The following PRKN variants were observed in gnomAD, a reference collection of about 807,000 sequenced individuals.
PRKN encodes parkin RBR E3 ubiquitin protein ligase, also known as E3 ubiquitin-protein ligase parkin.
PRKN carries 56 observed loss-of-function variants against 59.5 expected under a neutral mutation model. The ratio of observed to expected loss-of-function variants is 0.94; its 90% confidence interval spans 0.76 to 1.18. The LOEUF is 1.18. PRKN is among the 50% of genes most tolerant of loss of function. The pLI is 0.00. For synonymous variants in PRKN, 250 were observed against 222.1 expected (o/e 1.13, Z -1.12); for missense variants, 657 against 596.4 (o/e 1.10, Z -1.06).
intron 4 of PRKN, among the ~76,000 whole-genome samples, chr6:162,185,176 T>C (rs970951708): frequency 2.0e-5 from 3 of 152,160 alleles, no homozygotes; most frequent in African/African-American, 7.2e-5. Context: ...TTTTCCAATG[T>C]TATGGATATT....
intron 7 of PRKN, among the ~76,000 whole-genome samples, chr6:161,642,486 T>C (rs1277758950): frequency 1.3e-5 from 2 of 152,172 alleles, no homozygotes; most frequent in Admixed American, 6.5e-5. Context: ...TTCTGATGTA[T>C]ACAAGAACAC....
At chr6:161,439,166 G>A (rs753342857) in intron 9 of PRKN, among the ~76,000 whole-genome samples, 1 of 152,194 alleles carries the variant, frequency 6.6e-6, no homozygotes, top group African/African-American at 2.4e-5. Flanking sequence ...AAGGTCCTGC[G>A]ATGCCGCAGC....
At chr6:161,735,219 G>C (rs1438254458) in intron 7 of PRKN, among the ~76,000 whole-genome samples, 2 of 151,846 alleles carry the variant, frequency 1.3e-5, no homozygotes, top group Middle Eastern at 3.2e-3. Flanking sequence ...GTACACACAA[G>C]TCCCCCTCAT....
rs191698590 is a variant in PRKN at position 161,399,034 on chromosome 6, C to T, written c.1084-12157G>A. Among the ~76,000 whole-genome samples, 1 of 152,120 alleles carries T rather than the reference C, an allele frequency of 6.6e-6. No homozygotes were observed. Among genetic ancestry groups the T allele is most frequent in the Non-Finnish European group, 1.5e-5 (1 of 68,030 alleles). ...CCCTATATAAACTCCAAACCCCAGG[C>T]TCCATGAGCAGAAGAGCAGCAGAGG... On this transcript the variant is annotated intron_variant, in intron 9 of 11. Coordinates refer to ENST00000366898, the MANE Select transcript of PRKN (RefSeq NM_004562.3). The surrounding 1 kb of genome is among the most constrained non-coding windows in gnomAD (Gnocchi z 4.4).
chr6:162,154,741 T>G (rs944922648), intron 4 of PRKN, among the ~76,000 whole-genome samples: 4 of 152,028 alleles, frequency 2.6e-5, no homozygotes, highest in Non-Finnish European at 5.9e-5. Context: ...GAGCATCAGG[T>G]AGTAAAAATA....
At chr6:161,350,444 T>C (rs926575956) in intron 11 of PRKN, among the ~76,000 whole-genome samples, 2 of 151,296 alleles carry the variant, frequency 1.3e-5, no homozygotes, top group Non-Finnish European at 2.9e-5. Context: ...GTCACTTTTG[T>C]CGGGAACAAA....
At chr6:162,229,409 C>T (rs1055885858) in intron 3 of PRKN, among the ~76,000 whole-genome samples, 1 of 152,178 alleles carries the variant, frequency 6.6e-6, no homozygotes, top group Non-Finnish European at 1.5e-5. Flanking sequence ...ATGACACAAG[C>T]GTCACCCACG....
chr6:161,936,786 A>T (rs1779373991), intron 6 of PRKN, among the ~76,000 whole-genome samples: 1 of 127,084 alleles, frequency 7.9e-6, no homozygotes, highest in African/African-American at 3.4e-5. Flanking sequence ...TTTTTGTTTC[A>T]TATTTTTTTT....
Position 161,538,253 on chromosome 6 carries a change from A to C in PRKN, c.1083+10601T>G, listed in dbSNP as rs1779497210. ...TGTACACTTCTTCTGATCCTGGTTC[A>C]AGAATGGGCAAACAGACAGGCAAGG... On this transcript the variant is annotated intron_variant, in intron 9 of 11. Transcript: ENST00000366898. The surrounding 1 kb of genome is among the most constrained non-coding windows in gnomAD (Gnocchi z 4.2). Among the ~76,000 whole-genome samples the C allele has an allele frequency of 6.6e-6, 1 of 152,186 alleles. No individual in the cohort carries two copies. The highest frequency in any genetic ancestry group is 2.1e-4 in the South Asian group (1 of 4,826).
intron 1 of PRKN, among the ~76,000 whole-genome samples, chr6:162,644,824 T>C (rs950488601): frequency 1.3e-5 from 2 of 152,196 alleles, no homozygotes; most frequent in Admixed American, 6.5e-5. Context: ...ATAGATTTGG[T>C]TGAAGTCCCT....
rs200434101 is a variant in PRKN at position 162,011,517 on chromosome 6, T to TTATA, written c.619-38104_619-38101dup. ...ATAATATATATTTATTATATATATA[T>TTATA]TATATATATATATAAAACTTTCCAG... On this transcript the variant is annotated intron_variant, in intron 5 of 11. Coordinates refer to ENST00000366898, the MANE Select transcript of PRKN (RefSeq NM_004562.3). Among the ~76,000 whole-genome samples the TTATA allele has an allele frequency of 2.3e-4, 22 of 94,962 alleles. 3 individuals carry two copies. The highest frequency in any genetic ancestry group is 1.2e-3 in the South Asian group (4 of 3,250). The allele number at this position is 94,962 out of a possible 152,430, so 62.3% of individuals were successfully genotyped here. A position where few individuals can be genotyped will look rare whatever the true frequency, so the allele number is the denominator to read the frequency against.
At chr6:162,371,497 C>G (rs1371868034) in intron 2 of PRKN, among the ~76,000 whole-genome samples, 1 of 152,090 alleles carries the variant, frequency 6.6e-6, no homozygotes, top group Admixed American at 6.6e-5. Flanking sequence ...CTGGGGTGAC[C>G]CTAAATACAA....
chr6:161,460,274 G>A lies in PRKN; in HGVS notation c.1084-73397C>T, dbSNP rs1358615009. ...TTTAATTCTTGTTGATGGGCACCGT[G>A]TGTTTACAGAGGAGAGTGCCTTTGA... is the stretch of plus-strand genomic sequence containing the variant. On this transcript the variant is annotated intron_variant, in intron 9 of 11. Coordinates refer to ENST00000366898, the MANE Select transcript of PRKN (RefSeq NM_004562.3). The surrounding 1 kb of genome is among the most constrained non-coding windows in gnomAD (Gnocchi z 5.0). Among the ~76,000 whole-genome samples, 2 of 152,198 alleles carry A rather than the reference G, an allele frequency of 1.3e-5. No individual in the cohort carries two copies. Among genetic ancestry groups the A allele is most frequent in the Non-Finnish European group, 2.9e-5 (2 of 68,036 alleles).
At chr6:161,511,813 T>G (rs533397130) in intron 9 of PRKN, among the ~76,000 whole-genome samples, 2 of 150,094 alleles carry the variant, frequency 1.3e-5, no homozygotes, top group Non-Finnish European at 1.5e-5. Flanking sequence ...GGCAGATGGG[T>G]TGATCTTAGG....
chr6:162,463,530 G>C (rs1038452316), intron 1 of PRKN, among the ~76,000 whole-genome samples: 1 of 152,082 alleles, frequency 6.6e-6, no homozygotes, highest in Non-Finnish European at 1.5e-5. Flanking sequence ...TAAAAGATTC[G>C]GGTTCCCTGA....
At chr6:162,538,906 T>C (rs1243847686) in intron 1 of PRKN, among the ~76,000 whole-genome samples, 1 of 152,178 alleles carries the variant, frequency 6.6e-6, no homozygotes, top group Non-Finnish European at 1.5e-5. Flanking sequence ...AAAAAGCACA[T>C]GACAGCAATT....
intron 9 of PRKN, among the ~76,000 whole-genome samples, chr6:161,490,314 TTGCTTG>T (rs1562483177): frequency 2.6e-4 from 7 of 26,704 alleles, no homozygotes; most frequent in East Asian, 1.6e-3. Flanking sequence ...TCTTTCTTGC[TTGCTTG>T]CTTGCTTGCT....
At chr6:161,919,498 G>C (rs2128238732) in intron 6 of PRKN, among the ~76,000 whole-genome samples, 1 of 152,340 alleles carries the variant, frequency 6.6e-6, no homozygotes, top group East Asian at 1.9e-4. Flanking sequence ...TTTGCATGAT[G>C]TGTAAATTAT....
intron 4 of PRKN, among the ~76,000 whole-genome samples, chr6:162,195,995 C>T (rs981308407): frequency 6.6e-6 from 1 of 152,136 alleles, no homozygotes; most frequent in African/African-American, 2.4e-5. Context: ...CTATAAAAAG[C>T]CTTACTATAT....
Sources: allele counts gnomAD v4.1 joint callset (sites outside exome capture counted in the v4.1 genomes callset), GRCh38; gene constraint gnomAD v4.1.1; non-coding constraint Gnocchi (gnomAD v3.1); transcripts MANE v1.5; gene names NCBI Gene and HGNC (gene_info 2026-07-23, HGNC 2026-07-21).